Variants in KCNH7 observed in about 807,000 individuals in gnomAD.
The protein encoded by KCNH7 is voltage-gated inwardly rectifying potassium channel KCNH7.
A neutral mutation model predicts 120.8 loss-of-function variants in KCNH7; 49 were observed. The observed-to-expected ratio is 0.41, with a 90% CI of 0.32 to 0.51. KCNH7 has a LOEUF of 0.51. KCNH7 is among the 20% of genes least tolerant of loss of function. The pLI is 0.38. For missense variants in KCNH7, 1,097 were observed against 1,446.6 expected, an observed-to-expected ratio of 0.76 and a Z score of 3.92; for synonymous variants, 547 against 516.1, an observed-to-expected ratio of 1.06 and a Z score of -0.81.
intron 6 of KCNH7, among the ~76,000 whole-genome samples, chr2:162,485,383 G>T (rs1354945370): frequency 6.6e-6 from 1 of 152,096 alleles, no homozygotes; most frequent in Non-Finnish European, 1.5e-5. Context: ...TTAGGTTTAT[G>T]CCTTAGTTTT....
At chr2:162,737,561 C>G (rs1475345322) in intron 2 of KCNH7, among the ~76,000 whole-genome samples, 3 of 151,982 alleles carry the variant, frequency 2.0e-5, no homozygotes, top group Non-Finnish European at 4.4e-5. Flanking sequence ...AATATATATG[C>G]AAGAAGACTA....
At chr2:162,674,818 T>A (rs2105302650) in intron 2 of KCNH7, among the ~76,000 whole-genome samples, 1 of 151,720 alleles carries the variant, frequency 6.6e-6, no homozygotes, top group African/African-American at 2.4e-5. Flanking sequence ...CTAGGTAGAT[T>A]AAAGATCACA....
intron 2 of KCNH7, among the ~76,000 whole-genome samples, chr2:162,643,325 C>T (rs1225493275): frequency 6.7e-6 from 1 of 149,552 alleles, no homozygotes; most frequent in Non-Finnish European, 1.5e-5. Flanking sequence ...CAAAAACAAA[C>T]AAACAAAAAA....
At chr2:162,653,604 C>T (rs1241510442) in intron 2 of KCNH7, among the ~76,000 whole-genome samples, 1 of 152,128 alleles carries the variant, frequency 6.6e-6, no homozygotes, top group Non-Finnish European at 1.5e-5. Flanking sequence ...AATGCAATCT[C>T]TATCAAAATT....
chr2:162,742,427 T>C (rs1425215792), intron 2 of KCNH7, among the ~76,000 whole-genome samples: 1 of 152,194 alleles, frequency 6.6e-6, no homozygotes, highest in Non-Finnish European at 1.5e-5. Context: ...TTCACTTGAA[T>C]CTACTGTTGA....
intron 8 of KCNH7, among the ~76,000 whole-genome samples, chr2:162,431,757 T>A (rs1573950249): frequency 1.3e-5 from 2 of 151,906 alleles, no homozygotes; most frequent in Middle Eastern, 6.8e-3. Context: ...GCAGAAAACA[T>A]GTATTATTCT....
At chr2:162,536,268 G>GA in intron 3 of KCNH7, among the ~76,000 whole-genome samples, 1 of 151,892 alleles carries the variant, frequency 6.6e-6, no homozygotes, top group East Asian at 1.9e-4. Flanking sequence ...ACAAGATAGA[G>GA]AAAAAACAAC....
chr2:162,735,728 T>G (rs1687881675), intron 2 of KCNH7, among the ~76,000 whole-genome samples: 1 of 152,158 alleles, frequency 6.6e-6, no homozygotes, highest in South Asian at 2.1e-4. Flanking sequence ...CTCCAAATTC[T>G]TAGGGAGGCA....
chr2:162,650,882 G>A (rs769838597), intron 2 of KCNH7, among the ~76,000 whole-genome samples: 6 of 152,134 alleles, frequency 3.9e-5, no homozygotes, highest in Non-Finnish European at 5.9e-5. Context: ...AACTCACTGA[G>A]GCTCTGTCAG....
intron 2 of KCNH7, among the ~76,000 whole-genome samples, chr2:162,812,650 C>A (rs1220704891): frequency 3.3e-5 from 5 of 151,920 alleles, no homozygotes; most frequent in African/African-American, 4.8e-5. Context: ...CTGAAATAAC[C>A]TTTAGACATT....
At chr2:162,380,758 G>A (rs549386388) in intron 13 of KCNH7, among the ~76,000 whole-genome samples, 3 of 152,136 alleles carry the variant, frequency 2.0e-5, no homozygotes, top group South Asian at 4.1e-4. Flanking sequence ...TATTTAAAAT[G>A]TTCTCAGTGT....
At position 162,470,464 on chromosome 2, in the gene KCNH7, C is replaced by T. The variant is rs7557001; in HGVS notation, c.1129-24021G>A. Among the ~76,000 whole-genome samples, 54 of 144,714 alleles carry T rather than the reference C, an allele frequency of 3.7e-4. No homozygotes were observed. In the East Asian group the frequency reaches 1.0e-2, roughly 27 times the overall value. The allele number at this position is 144,714 out of a possible 152,430, so 94.9% of individuals were successfully genotyped here. ...CCGTCTGAGAAGTGAGGAGCCCCTC[C>T]GCCCGGCAGCCGCCCTGTCTGAGAA... On this transcript the variant is annotated intron_variant, in intron 6 of 15. Transcript: ENST00000332142.
chr2:162,660,564 G>A (rs1684923066), intron 2 of KCNH7, among the ~76,000 whole-genome samples: 1 of 152,144 alleles, frequency 6.6e-6, no homozygotes, highest in South Asian at 2.1e-4. Context: ...GTGAACTTTA[G>A]AAGAATGTGT....
chr2:162,834,574 G>T (rs1685588135), intron 2 of KCNH7, among the ~76,000 whole-genome samples: 1 of 151,936 alleles, frequency 6.6e-6, no homozygotes, highest in Non-Finnish European at 1.5e-5. Context: ...GAGTTTTAAT[G>T]CATATAACCA....
chr2:162,621,954 G>T (rs1033764551), intron 2 of KCNH7, among the ~76,000 whole-genome samples: 13 of 152,108 alleles, frequency 8.5e-5, no homozygotes, highest in Non-Finnish European at 1.8e-4. Flanking sequence ...CTATTAAAGG[G>T]TAGTTTCCTT....
At chr2:162,534,935 G>A (rs1214435845) in intron 3 of KCNH7, among the ~76,000 whole-genome samples, 1 of 151,634 alleles carries the variant, frequency 6.6e-6, no homozygotes, top group Non-Finnish European at 1.5e-5. Flanking sequence ...TTCCAAGGAT[G>A]CAAGAATGGT....
At chr2:162,691,193 T>C (rs563021642) in intron 2 of KCNH7, among the ~76,000 whole-genome samples, 2 of 152,300 alleles carry the variant, frequency 1.3e-5, no homozygotes, top group Admixed American at 6.5e-5. Flanking sequence ...AGAAAGCATG[T>C]TGATATGCCA....
intron 2 of KCNH7, among the ~76,000 whole-genome samples, chr2:162,654,569 A>G (rs905016783): frequency 1.4e-4 from 22 of 152,182 alleles, no homozygotes; most frequent in African/African-American, 5.3e-4. Flanking sequence ...TGGTACAACC[A>G]TTATAAAAAA....
At chr2:162,472,978 A>C (rs898639066) in intron 6 of KCNH7, among the ~76,000 whole-genome samples, 1 of 152,122 alleles carries the variant, frequency 6.6e-6, no homozygotes, top group African/African-American at 2.4e-5. Flanking sequence ...AGGACAAAAA[A>C]CCAAACACCA....
Sources: allele counts gnomAD v4.1 joint callset (sites outside exome capture counted in the v4.1 genomes callset), GRCh38; gene constraint gnomAD v4.1.1; transcripts MANE v1.5; gene names NCBI Gene and HGNC (gene_info 2026-07-23, HGNC 2026-07-21).